The following VPS8 variants were observed in gnomAD, a reference collection of about 807,000 sequenced individuals.
VPS8 encodes the protein vacuolar protein sorting-associated protein 8 homolog.
Under a neutral mutation model 216.4 loss-of-function variants are expected in VPS8, and 129 were observed. That is an observed-to-expected ratio of 0.60 (90% CI 0.52 to 0.69). The LOEUF (loss-of-function observed/expected upper bound fraction) is 0.69, where lower values mean the gene tolerates loss of function less well. Ranked by LOEUF, VPS8 falls within the 30% of genes least tolerant of loss-of-function variation. The pLI is 0.00. For synonymous variants in VPS8, 571 were observed against 565.4 expected (o/e 1.01, Z -0.14); for missense variants, 1,531 against 1,683.5 (o/e 0.91, Z 1.59).
At chr3:184,931,876 A>G (rs1048394887) in intron 34 of VPS8, among the ~76,000 whole-genome samples, 4 of 152,054 alleles carry the variant, frequency 2.6e-5, no homozygotes, top group Non-Finnish European at 5.9e-5. Flanking sequence ...CCTCATCTGC[A>G]TTATACAGTG....
chr3:184,869,500 G>A lies in VPS8; in HGVS notation c.1616G>A (p.Ser539Asn), dbSNP rs1345326648. 1.9e-6 allele frequency: 3 copies of A among 1,613,522 alleles called. No homozygotes were observed. In the Admixed American group the frequency reaches 5.0e-5, roughly 27 times the overall value. Reference sequence around the variant, plus strand: ...TCTGCAGGATTATCAGGGGATGCCAGTAAGCGAAAGGCTATTGTTGCAGAC... The same window carrying A: ...TCTGCAGGATTATCAGGGGATGCCAATAAGCGAAAGGCTATTGTTGCAGAC... ...KAVVGLSGDA[S>N]KRKAIVADRM... The change falls in exon 20 of 48, where the codon AGT becomes AAT. Residue 539 changes from serine to asparagine, a missense_variant. Physicochemically the swap from Ser to Asn is conservative, Grantham distance 46 (BLOSUM62 1). This residue lies in a region of VPS8 where 1,318 missense variants were observed against 1,468.4 expected (regional missense o/e 0.90). Coordinates refer to ENST00000625842, the MANE Select transcript of VPS8 (RefSeq NM_001009921.3).
At chr3:184,903,792 A>G (rs543346210) in intron 25 of VPS8, among the ~76,000 whole-genome samples, 1 of 152,278 alleles carries the variant, frequency 6.6e-6, no homozygotes, top group Non-Finnish European at 1.5e-5. Flanking sequence ...TTCTGCAGAA[A>G]AGGCAGCTGA....
At chr3:184,999,293 A>G (rs952171526) in intron 44 of VPS8, among the ~76,000 whole-genome samples, 1 of 152,206 alleles carries the variant, frequency 6.6e-6, no homozygotes, top group Non-Finnish European at 1.5e-5. Context: ...TCCTAACCTC[A>G]GCTGATCTGC....
chr3:184,900,850 A>G (rs1159273524), intron 24 of VPS8, 71 bp from the exon 25 acceptor site: 15 of 1,359,848 alleles, frequency 1.1e-5, no homozygotes, highest in Non-Finnish European at 1.5e-5. Flanking sequence ...GATGAATAGC[A>G]TAAGATTCTT....
Position 184,855,932 on chromosome 3 carries a change from A to G in VPS8, c.1143+114A>G, listed in dbSNP as rs185987601. 901 of 779,512 alleles carry G rather than the reference A, an allele frequency of 1.2e-3. 24 individuals are homozygous for G. The Admixed American group carries it at 0.025, about 21-fold the overall frequency. The allele number at this position is 779,512 out of a possible 1,614,324, so 48.3% of individuals were successfully genotyped here. A position where few individuals can be genotyped will look rare whatever the true frequency, so the allele number is the denominator to read the frequency against. On this transcript the variant is annotated intron_variant, in intron 14 of 47. Transcript: ENST00000625842. ...ATCCTAAGTCTTTGGAGAGAGAGTG[A>G]CCTATTTAATTTTTATCTAAGGCTT...
At chr3:185,031,143 G>T (rs887545785) in intron 46 of VPS8, among the ~76,000 whole-genome samples, 5 of 143,418 alleles carry the variant, frequency 3.5e-5, no homozygotes, top group African/African-American at 1.4e-4. Flanking sequence ...AGAAAAGCTG[G>T]CCCCAGTGTC....
chr3:184,933,578 C>G (rs940803223), intron 34 of VPS8, among the ~76,000 whole-genome samples: 4 of 151,766 alleles, frequency 2.6e-5, no homozygotes. Flanking sequence ...TCATTTCCCC[C>G]CCTCTTTATG....
intron 27 of VPS8, 74 bp downstream of exon 27, chr3:184,915,127 G>C: frequency 6.5e-7 from 1 of 1,532,488 alleles, no homozygotes; most frequent in South Asian, 1.1e-5. Flanking sequence ...AATTGCAGTT[G>C]AGGCTTACAC....
At chr3:184,938,621 G>A (rs191340008) in intron 35 of VPS8, among the ~76,000 whole-genome samples, 120 of 150,332 alleles carry the variant, frequency 8.0e-4, no homozygotes, top group Non-Finnish European at 1.4e-3. Flanking sequence ...ATGATCACTT[G>A]TAGGATTTTC....
intron 45 of VPS8, among the ~76,000 whole-genome samples, chr3:185,022,657 T>C (rs1756824485): frequency 6.6e-6 from 1 of 152,234 alleles, no homozygotes; most frequent in Admixed American, 6.5e-5. Flanking sequence ...TATATCCTCT[T>C]TCATTGCTGA....
Position 184,849,106 on chromosome 3 carries a change from A to C in VPS8, c.577A>C (p.Thr193Pro), listed in dbSNP as rs754017366. 6.2e-7 allele frequency: 1 copy of C among 1,613,480 alleles called. No homozygotes were observed. Among genetic ancestry groups the C allele is most frequent in the Non-Finnish European group, 8.5e-7 (1 of 1,179,528 alleles). Residue 193 changes from threonine (T) to proline (P), a missense_variant, in exon 9 of 48, where the codon ACT (threonine) becomes CCT (proline). Coordinates refer to ENST00000625842, the MANE Select transcript of VPS8 (RefSeq NM_001009921.3). ...NQALRLCLGS[T>P]SVGGQYGAIS... is the part of the protein sequence containing the mutation. The stretch of plus-strand genomic sequence containing the variant: ...AGCTTTGCGACTCTGTCTGGGTAGC[A>C]CTAGTGTTGGAGGTCAGTATGGCGC...
At chr3:184,889,164 AG>A (rs1731865695) in intron 22 of VPS8, among the ~76,000 whole-genome samples, 1 of 152,248 alleles carries the variant, frequency 6.6e-6, no homozygotes, top group African/African-American at 2.4e-5. Context: ...CATATAACAT[AG>A]AAGATAAAAT....
rs1268669416 is a variant in VPS8, at chr3:184,886,642, C to T, written c.1781+486C>T. On this transcript the variant is annotated intron_variant, in intron 22 of 47. Coordinates refer to ENST00000625842, the MANE Select transcript of VPS8 (RefSeq NM_001009921.3). ...TCACCCAGGCTGGAGTGCAATGGTG[C>T]GATCTCAGCTCACTGCAACCTCCGC... 2.6e-5 allele frequency among the ~76,000 whole-genome samples: 4 copies of T among 151,430 alleles called. No homozygotes were observed. The East Asian group carries it at 5.8e-4, about 22-fold the overall frequency.
chr3:184,948,189 G>A (rs1360052436), intron 36 of VPS8, among the ~76,000 whole-genome samples: 2 of 149,660 alleles, frequency 1.3e-5, no homozygotes, highest in African/African-American at 4.9e-5. Flanking sequence ...TTTGCATAAA[G>A]TGCAACAAGA....
intron 46 of VPS8, among the ~76,000 whole-genome samples, chr3:185,033,563 A>G (rs923884488): frequency 2.6e-5 from 4 of 152,244 alleles, no homozygotes; most frequent in South Asian, 2.1e-4. Flanking sequence ...TGTTTTGACA[A>G]TCGTGACTAA....
intron 21 of VPS8, among the ~76,000 whole-genome samples, chr3:184,885,107 C>G (rs1320985097): frequency 1.3e-5 from 2 of 152,190 alleles, no homozygotes; most frequent in Non-Finnish European, 2.9e-5. Context: ...AGGGATAGCC[C>G]TATAATCCTT....
intron 14 of VPS8, 73 bp from the exon 15 acceptor site, chr3:184,859,912 G>C: frequency 9.4e-7 from 1 of 1,060,410 alleles, no homozygotes; most frequent in African/African-American, 1.6e-5. Flanking sequence ...ACTCTAGGTG[G>C]AGTATAATTA....
chr3:184,992,983 C>T (rs1752109612), intron 42 of VPS8, among the ~76,000 whole-genome samples: 2 of 151,796 alleles, frequency 1.3e-5, no homozygotes, highest in Non-Finnish European at 2.9e-5. Flanking sequence ...ATAATGGTGG[C>T]TGGAGTTTGG....
intron 16 of VPS8, among the ~76,000 whole-genome samples, chr3:184,865,987 T>TAAA (rs34631606): frequency 7.1e-6 from 1 of 141,576 alleles, no homozygotes; most frequent in Non-Finnish European, 1.5e-5. Context: ...GACTCCATCT[T>TAAA]AAAAAAAAAA....
Sources: gnomAD v4.1 joint callset for allele counts (sites outside exome capture counted in the v4.1 genomes callset) on GRCh38, gnomAD v4.1.1 for gene constraint, gnomAD v4.1.1 regional missense constraint, MANE v1.5 for transcripts, NCBI Gene and HGNC (gene_info 2026-07-23, HGNC 2026-07-21) for gene names.